KIF13B: variants seen among roughly 807,000 people sequenced by gnomAD.
KIF13B encodes kinesin family member 13B.
A neutral mutation model predicts 222.0 loss-of-function variants in KIF13B; 127 were observed. The observed-to-expected ratio is 0.57, with a 90% CI of 0.50 to 0.66. The LOEUF (loss-of-function observed/expected upper bound fraction) is 0.66, where lower values mean the gene tolerates loss of function less well. KIF13B is among the 30% of genes least tolerant of loss of function. The pLI, the probability that KIF13B is intolerant of heterozygous loss-of-function variation, is 0.00. For missense variants in KIF13B, 2,173 were observed against 2,379.0 expected, an observed-to-expected ratio of 0.91 and a Z score of 1.80; for synonymous variants, 976 against 919.0, an observed-to-expected ratio of 1.06 and a Z score of -1.12.
intron 2 of KIF13B, among the ~76,000 whole-genome samples, chr8:29,240,634 T>C (rs1177525548): frequency 2.0e-5 from 3 of 152,250 alleles, no homozygotes; most frequent in East Asian, 1.9e-4. Context: ...TAGAGAAGTA[T>C]ACCAGAATCT....
At chr8:29,144,110 T>C (rs1810947148) in intron 18 of KIF13B, among the ~76,000 whole-genome samples, 1 of 151,966 alleles carries the variant, frequency 6.6e-6, no homozygotes, top group Non-Finnish European at 1.5e-5. Context: ...TTAGGTTTAC[T>C]GGCTTAATTT....
At chr8:29,132,601 C>CA in intron 22 of KIF13B, 136 bp from the exon 23 acceptor site, 1 of 495,038 alleles carries the variant, frequency 2.0e-6, no homozygotes, top group Non-Finnish European at 3.2e-6. Flanking sequence ...ACAGAACTAT[C>CA]ATCTAAAACC....
chr8:29,084,244 A>C (rs1262309116), intron 37 of KIF13B, among the ~76,000 whole-genome samples: 1 of 152,190 alleles, frequency 6.6e-6, no homozygotes, highest in Non-Finnish European at 1.5e-5. Context: ...TAGGATGTTG[A>C]ACCTTTACTT....
intron 37 of KIF13B, among the ~76,000 whole-genome samples, chr8:29,076,565 C>T (rs1262165992): frequency 1.3e-5 from 2 of 152,202 alleles, no homozygotes; most frequent in South Asian, 4.1e-4. Context: ...GGAGCCTGGA[C>T]TCCAGCTGTA....
intron 35 of KIF13B, 31 bp downstream of exon 35, chr8:29,108,108 A>T: frequency 6.3e-7 from 1 of 1,580,274 alleles, no homozygotes; most frequent in Non-Finnish European, 8.6e-7. Context: ...ATGGGACTTA[A>T]AACACTGATA....
intron 34 of KIF13B, 30 bp from the exon 35 acceptor site, chr8:29,108,222 T>G: frequency 6.2e-7 from 1 of 1,602,488 alleles, no homozygotes; most frequent in Non-Finnish European, 8.5e-7. Flanking sequence ...GGGTTAGTTA[T>G]TTATGCATCA....
intron 36 of KIF13B, among the ~76,000 whole-genome samples, chr8:29,096,718 G>T (rs139609828): frequency 1.0e-3 from 155 of 152,190 alleles, no homozygotes; most frequent in African/African-American, 3.7e-3. Flanking sequence ...CTGTTGCATG[G>T]TTCCTGTATT....
intron 2 of KIF13B, among the ~76,000 whole-genome samples, chr8:29,222,325 A>T (rs1391616631): frequency 1.3e-5 from 2 of 152,094 alleles, no homozygotes; most frequent in African/African-American, 4.8e-5. Flanking sequence ...ACGGCACTGC[A>T]CTCCAGCTGG....
chr8:29,071,890 T>C lies in KIF13B; in HGVS notation c.4948A>G (p.Arg1650Gly). 1 of 1,487,182 alleles carries C rather than the reference T, an allele frequency of 6.7e-7. No individual in the cohort carries two copies. Among genetic ancestry groups the C allele is most frequent in the Non-Finnish European group, 8.8e-7 (1 of 1,130,296 alleles). The allele number at this position is 1,487,182 out of a possible 1,614,324, so 92.1% of individuals were successfully genotyped here. ...GAGCGCAACTCCGAGGCCCGCACCC[T>C]CCGGACGCGGAACGGGGAGCCGGGC... ...PAPGSPFRVRRVRASELRSFS... is the reference protein window; with the variant it reads ...PAPGSPFRVRGVRASELRSFS... The change falls in exon 39 of 40, where the codon AGG becomes GGG. Residue 1650 changes from arginine to glycine, a missense_variant. Around this residue, in one of 2 missense-constraint regions of KIF13B, gnomAD observed 693 missense variants for 656.2 expected, o/e 1.06. Transcript: ENST00000524189. This position sits in a 1 kb window ranked among gnomAD's most constrained non-coding sequence, Gnocchi z 4.9.
At chr8:29,178,493 G>T (rs191182752) in intron 8 of KIF13B, among the ~76,000 whole-genome samples, 7 of 151,818 alleles carry the variant, frequency 4.6e-5, no homozygotes, top group African/African-American at 1.4e-4. Context: ...AACATACTTC[G>T]TACTTCAATA....
intron 38 of KIF13B, 29 bp downstream of exon 38, chr8:29,075,252 G>T: frequency 6.5e-7 from 1 of 1,547,762 alleles, no homozygotes; most frequent in Non-Finnish European, 8.7e-7. Context: ...CTGTAGGTGG[G>T]GTGGCCACCC....
intron 1 of KIF13B, among the ~76,000 whole-genome samples, chr8:29,252,482 T>C (rs748140333): frequency 2.6e-5 from 4 of 152,252 alleles, no homozygotes; most frequent in South Asian, 2.1e-4. Flanking sequence ...TGCAGAAACA[T>C]AGGTGTACCT....
rs1253196806 is a variant in KIF13B, at chr8:29,067,649, G to A, written c.*2855C>T. ...TCAGTATCTTGGGCAGGAAGCACAGGGTGACTCCCGTCTTGTGTGCGTGCG... is the reference window on the plus strand; with the variant it reads ...TCAGTATCTTGGGCAGGAAGCACAGAGTGACTCCCGTCTTGTGTGCGTGCG... On this transcript the variant is annotated 3_prime_UTR_variant, in exon 40 of 40. Transcript: ENST00000524189. 6.6e-6 allele frequency: 1 copy of A among 152,230 alleles called. No homozygotes were observed. The highest frequency in any genetic ancestry group is 1.5e-5 in the Non-Finnish European group (1 of 68,086). The allele number at this position is 152,230 out of a possible 1,614,324, so 9.4% of individuals were successfully genotyped here.
At chr8:29,236,955 T>C (rs550015782) in intron 2 of KIF13B, among the ~76,000 whole-genome samples, 6 of 152,068 alleles carry the variant, frequency 3.9e-5, no homozygotes, top group Non-Finnish European at 8.8e-5. Context: ...AGATACATCA[T>C]GTAAAAAAAT....
intron 9 of KIF13B, among the ~76,000 whole-genome samples, chr8:29,176,857 T>A (rs1403638661): frequency 6.6e-6 from 1 of 151,804 alleles, no homozygotes; most frequent in African/African-American, 2.4e-5. Flanking sequence ...TGAGCCCACA[T>A]GAAGGAACTG....
rs1163407445 is a variant in KIF13B, at chr8:29,072,168, G to A, written c.4670C>T (p.Pro1557Leu). 4 of 1,429,432 alleles carry A rather than the reference G, an allele frequency of 2.8e-6. No individual in the cohort carries two copies. The highest frequency in any genetic ancestry group is 1.5e-5 in the African/African-American group (1 of 67,084). 88.5% of individuals were successfully genotyped at this position (1,429,432 alleles called of 1,614,324 possible). ...AGAGGCTTCACTCAGGGGGCTGGGG[G>A]GCCCGTCCTGTGCCTCCGGAGCCGG... ...VTPAPEAQDG[P>L]PSPLSEASSG... is the part of the protein sequence containing the mutation. Residue 1557 changes from proline to leucine, a missense_variant, in exon 39 of 40, where the codon CCC becomes CTC. Pro to Leu is a moderately conservative substitution (Grantham distance 98). Around this residue, in one of 2 missense-constraint regions of KIF13B, gnomAD observed 693 missense variants for 656.2 expected, o/e 1.06. Coordinates refer to ENST00000524189, the MANE Select transcript of KIF13B (RefSeq NM_015254.4).
intron 12 of KIF13B, among the ~76,000 whole-genome samples, chr8:29,161,620 C>T (rs1359118106): frequency 2.6e-5 from 4 of 151,388 alleles, no homozygotes; most frequent in Non-Finnish European, 5.9e-5. Flanking sequence ...CACTTGAACC[C>T]GGGAGGTGGA....
rs200599694 is a variant in KIF13B, at chr8:29,092,831, C to G, written c.4372G>C (p.Val1458Leu). 6 of 1,612,472 alleles carry G rather than the reference C, an allele frequency of 3.7e-6. No homozygotes were observed. The highest frequency in any genetic ancestry group is 5.1e-6 in the Non-Finnish European group (6 of 1,179,394). ...TTGAGGAGCTTTGGCATTTGCGGCA[C>G]GAAGGATTTGACAGGATTCAAGTAG... ...ASYLNPVKSFVPQMPKLLKSL... is the reference protein window; with the variant it reads ...ASYLNPVKSFLPQMPKLLKSL... Residue 1458 changes from valine (V) to leucine (L), a missense_variant, in exon 37 of 40, where the codon GTG (valine) becomes CTG (leucine). Val to Leu is a conservative substitution (Grantham distance 32). This residue lies in a region of KIF13B where 693 missense variants were observed against 656.2 expected (regional missense o/e 1.06). Coordinates refer to ENST00000524189, the MANE Select transcript of KIF13B (RefSeq NM_015254.4).
chr8:29,247,388 A>C (rs561756791), intron 1 of KIF13B, among the ~76,000 whole-genome samples: 1 of 152,274 alleles, frequency 6.6e-6, no homozygotes, highest in South Asian at 2.1e-4. Context: ...GTCTCTAAAA[A>C]CAAAAATTTT....
Sources: gnomAD v4.1 joint callset for allele counts (sites outside exome capture counted in the v4.1 genomes callset) on GRCh38, gnomAD v4.1.1 for gene constraint, gnomAD v4.1.1 regional missense constraint, Gnocchi (gnomAD v3.1) non-coding constraint, MANE v1.5 for transcripts, NCBI Gene and HGNC (gene_info 2026-07-23, HGNC 2026-07-21) for gene names.